The following CFDP1 variants were observed in gnomAD, a reference collection of about 807,000 sequenced individuals.
The protein encoded by CFDP1 is heterochromatin-stabilizing protein CFDP1.
CFDP1 carries 31 observed loss-of-function variants against 40.1 expected under a neutral mutation model. The ratio of observed to expected loss-of-function variants is 0.77; its 90% CI spans 0.58 to 1.04. The LOEUF is 1.04. Among genes scored for constraint, CFDP1 ranks in the 50% least tolerant of loss-of-function variants. CFDP1 has a pLI of 0.00. For synonymous variants in CFDP1, 167 were observed against 120.0 expected, an observed-to-expected ratio of 1.39 and a Z score of -2.56; for missense variants, 423 against 343.4, an observed-to-expected ratio of 1.23 and a Z score of -1.83.
chr16:75,400,216 A>G (rs1322495979), intron 4 of CFDP1, among the ~76,000 whole-genome samples: 1 of 152,106 alleles, frequency 6.6e-6, no homozygotes, highest in Non-Finnish European at 1.5e-5. Context: ...CAGGAGTTCA[A>G]GGTTACAGTG....
At chr16:75,350,488 G>A (rs1478958277) in intron 5 of CFDP1, among the ~76,000 whole-genome samples, 3 of 152,124 alleles carry the variant, frequency 2.0e-5, no homozygotes, top group Non-Finnish European at 2.9e-5. Flanking sequence ...GAATAATTAT[G>A]TATTATAAGC....
chr16:75,348,343 G>A (rs1009394664), intron 5 of CFDP1, among the ~76,000 whole-genome samples: 2 of 152,202 alleles, frequency 1.3e-5, no homozygotes, highest in Non-Finnish European at 2.9e-5. Context: ...TATATAAGAT[G>A]TCAGCATTAG....
At chr16:75,409,530 A>G (rs2079137256) in intron 4 of CFDP1, 1 of 152,148 alleles carries the variant, frequency 6.6e-6, no homozygotes, top group African/African-American at 2.4e-5. Flanking sequence ...GTGTTTTTAG[A>G]AAAGTACTGG....
chr16:75,401,665 A>T (rs1350023889), intron 4 of CFDP1, among the ~76,000 whole-genome samples: 1 of 152,154 alleles, frequency 6.6e-6, no homozygotes, highest in African/African-American at 2.4e-5. Context: ...CTGGTGATAG[A>T]GAAGATGAAA....
At chr16:75,405,675 A>C (rs2079091127) in intron 4 of CFDP1, among the ~76,000 whole-genome samples, 1 of 151,572 alleles carries the variant, frequency 6.6e-6, no homozygotes, top group African/African-American at 2.4e-5. Context: ...TGCTTGAACC[A>C]AGGAGGTAAA....
At chr16:75,377,071 C>T (rs1326715383) in intron 5 of CFDP1, among the ~76,000 whole-genome samples, 1 of 152,232 alleles carries the variant, frequency 6.6e-6, no homozygotes, top group Non-Finnish European at 1.5e-5. Flanking sequence ...CACCAGCTAG[C>T]TCTTGAATTA....
chr16:75,334,459 C>T (rs2151516859), intron 5 of CFDP1, among the ~76,000 whole-genome samples: 1 of 150,136 alleles, frequency 6.7e-6, no homozygotes, highest in East Asian at 2.0e-4. Context: ...AAATAGGCTA[C>T]TAGATGGCCA....
At chr16:75,422,108 T>C (rs1361921678) in intron 1 of CFDP1, among the ~76,000 whole-genome samples, 1 of 152,178 alleles carries the variant, frequency 6.6e-6, no homozygotes, top group African/African-American at 2.4e-5. Context: ...TCTCTCTCTT[T>C]TTTTTGAGAC....
intron 5 of CFDP1, among the ~76,000 whole-genome samples, chr16:75,308,979 C>G (rs1405990786): frequency 2.6e-5 from 4 of 152,234 alleles, no homozygotes; most frequent in African/African-American, 9.6e-5. Flanking sequence ...TCTCCTTTCA[C>G]TGGGTCATTA....
intron 2 of CFDP1, among the ~76,000 whole-genome samples, chr16:75,413,188 C>G (rs1009971898): frequency 1.3e-5 from 2 of 152,174 alleles, no homozygotes; most frequent in Non-Finnish European, 2.9e-5. Context: ...TTTATTTGCA[C>G]TATTTCTTCC....
intron 5 of CFDP1, chr16:75,325,016 G>C (rs989412375): frequency 3.9e-5 from 6 of 152,186 alleles, no homozygotes; most frequent in Non-Finnish European, 7.3e-5. Flanking sequence ...TGGCATATGG[G>C]AGTCTTCTAG....
chr16:75,353,257 G>T (rs1045946459), intron 5 of CFDP1, among the ~76,000 whole-genome samples: 1 of 152,078 alleles, frequency 6.6e-6, no homozygotes, highest in African/African-American at 2.4e-5. Flanking sequence ...CACTGACTGG[G>T]TATTTGGTAA....
intron 5 of CFDP1, among the ~76,000 whole-genome samples, chr16:75,338,095 T>C (rs1284054513): frequency 1.3e-5 from 2 of 152,180 alleles, no homozygotes; most frequent in Admixed American, 6.5e-5. Context: ...TCTGTTCATT[T>C]CCTCTTACCC....
chr16:75,429,343 G>A (rs1223348082), intron 1 of CFDP1, among the ~76,000 whole-genome samples: 1 of 152,046 alleles, frequency 6.6e-6, no homozygotes, highest in Non-Finnish European at 1.5e-5. Context: ...GTTACTTTTA[G>A]GCATTCAAGG....
chr16:75,380,272 T>C (rs944199481), intron 5 of CFDP1: 1 of 152,018 alleles, frequency 6.6e-6, no homozygotes, highest in Admixed American at 6.5e-5. Flanking sequence ...ACATAAAATA[T>C]ACCAAAAATT....
rs74632320 is a variant in CFDP1, at chr16:75,334,392, C to T, written c.651-29210G>A. On this transcript the variant is annotated intron_variant, in intron 5 of 6. Transcript: ENST00000283882. ...GGCAGTCCCACCTGTCGAGACAATC[C>T]GGCCAGCCCGAAGTGCTCTAGAGAA... Among the ~76,000 whole-genome samples the T allele has an allele frequency of 3.7e-3, 554 of 150,922 alleles. 2 individuals are homozygous for T. Among genetic ancestry groups the T allele is most frequent in the African/African-American group, 0.013 (527 of 41,062 alleles).
At chr16:75,407,530 G>C (rs2079111486) in intron 4 of CFDP1, among the ~76,000 whole-genome samples, 1 of 151,424 alleles carries the variant, frequency 6.6e-6, no homozygotes, top group African/African-American at 2.4e-5. Context: ...AATTTTAAAA[G>C]TTAGATGGGC....
intron 4 of CFDP1, among the ~76,000 whole-genome samples, chr16:75,396,055 T>C (rs895329774): frequency 1.9e-5 from 2 of 103,198 alleles, no homozygotes; most frequent in African/African-American, 5.8e-5. Context: ...CAGCAGTCAA[T>C]ACTAAATCTC....
intron 5 of CFDP1, among the ~76,000 whole-genome samples, chr16:75,329,633 T>G (rs1295132157): frequency 1.3e-5 from 2 of 152,230 alleles, no homozygotes; most frequent in East Asian, 3.8e-4. Context: ...ATTTTGAACA[T>G]GTGCTGTTTT....
Sources: allele counts gnomAD v4.1 joint callset (sites outside exome capture counted in the v4.1 genomes callset), GRCh38; gene constraint gnomAD v4.1.1; transcripts MANE v1.5; gene names NCBI Gene and HGNC (gene_info 2026-07-23, HGNC 2026-07-21).